Variants in FAT4 observed in about 807,000 individuals in gnomAD.
FAT4 encodes FAT atypical cadherin 4, also known as protocadherin Fat 4.
FAT4 carries 84 observed loss-of-function variants against 303.9 expected under a neutral mutation model. The ratio of observed to expected loss-of-function variants is 0.28; its 90% CI spans 0.23 to 0.33. FAT4 has a LOEUF of 0.33. Ranked by LOEUF, FAT4 falls within the 10% of genes least tolerant of loss-of-function variation. The probability of loss-of-function intolerance (pLI) is 1.00; values close to 1 mark genes in which losing one functional copy is unlikely to be tolerated. For missense variants in FAT4, 6,005 were observed against 6,146.8 expected (o/e 0.98, Z 0.77); for synonymous variants, 2,307 against 2,298.8 (o/e 1.00, Z -0.10).
intron 8 of FAT4, among the ~76,000 whole-genome samples, chr4:125,437,517 A>G (rs545102343): frequency 6.6e-6 from 1 of 152,290 alleles, no homozygotes; most frequent in East Asian, 1.9e-4. Flanking sequence ...TTGAGTTCTC[A>G]GAGTCCTGTA....
chr4:125,398,965 T>A, intron 3 of FAT4, 50 bp downstream of exon 3: 1 of 1,590,768 alleles, frequency 6.3e-7, no homozygotes, highest in Non-Finnish European at 8.6e-7. Flanking sequence ...TGCAGTGATT[T>A]ATCAAATTTC....
chr4:125,452,705 T>C lies in FAT4; in HGVS notation c.11695T>C (p.Cys3899Arg). Residue 3899 changes from cysteine (C) to arginine (R), a missense_variant, in exon 10 of 18, where the codon TGT (cysteine) becomes CGT (arginine). Transcript: ENST00000394329. ...CCCAGATGGCTTCACTGGTAGGGCG[T>C]GTGAGAGAGATATCAATGAGTGCCT... ...SCPDGFTGRACERDINECLQS... is the reference protein window; with the variant it reads ...SCPDGFTGRARERDINECLQS... 7 of 1,614,078 alleles carry C rather than the reference T, an allele frequency of 4.3e-6. No individual in the cohort carries two copies. The highest frequency in any genetic ancestry group is 5.1e-6 in the Non-Finnish European group (6 of 1,179,998).
chr4:125,320,820 C>T lies in FAT4; in HGVS notation c.4409C>T (p.Thr1470Ile), dbSNP rs773827206. 1 of 1,613,934 alleles carries T rather than the reference C, an allele frequency of 6.2e-7. No homozygotes were observed. The highest frequency in any genetic ancestry group is 1.7e-5 in the Admixed American group (1 of 59,994). Reference protein sequence around the residue: ...IQQMPRGNHFTIDEVKGTIYT... With the variant: ...IQQMPRGNHFIIDEVKGTIYT... ...CAGATGCCAAGAGGCAACCACTTTACCATAGATGAAGTCAAAGGGACTATA... is the reference window on the plus strand; with the variant it reads ...CAGATGCCAAGAGGCAACCACTTTATCATAGATGAAGTCAAAGGGACTATA... Residue 1470 changes from threonine (T) to isoleucine (I), a missense_variant, in exon 2 of 18, where the codon ACC becomes ATC. Thr to Ile is a moderately conservative substitution (Grantham distance 89). Transcript: ENST00000394329.
At chr4:125,378,783 A>G (rs947384449) in intron 2 of FAT4, among the ~76,000 whole-genome samples, 2 of 152,136 alleles carry the variant, frequency 1.3e-5, no homozygotes, top group Non-Finnish European at 2.9e-5. Context: ...AACCTAGAAT[A>G]TTTTCTCAAT....
intron 7 of FAT4, among the ~76,000 whole-genome samples, chr4:125,417,052 A>G (rs1735105027): frequency 6.6e-6 from 1 of 152,174 alleles, no homozygotes; most frequent in Non-Finnish European, 1.5e-5. Context: ...CTAATGCTTG[A>G]AATTCTGATT....
chr4:125,334,493 T>C (rs961614062), intron 2 of FAT4, among the ~76,000 whole-genome samples: 1 of 152,200 alleles, frequency 6.6e-6, no homozygotes, highest in Non-Finnish European at 1.5e-5. Flanking sequence ...CAGGTGCTAA[T>C]GGCATTTAAC....
chr4:125,316,943 C>G lies in FAT4; in HGVS notation c.532C>G (p.Arg178Gly), dbSNP rs201952959. The G allele has an allele frequency of 1.2e-6, 2 of 1,613,956 alleles. No homozygotes were observed. The highest frequency in any genetic ancestry group is 1.7e-6 in the Non-Finnish European group (2 of 1,180,030). The change falls in exon 2 of 18, where the codon CGC (arginine) becomes GGC (glycine). Residue 178 changes from arginine (R) to glycine (G), a missense_variant. Physicochemically the swap from Arg to Gly is moderately radical, Grantham distance 125. Coordinates refer to ENST00000394329, the MANE Select transcript of FAT4 (RefSeq NM_001291303.3). The surrounding 1 kb of genome is among the most constrained non-coding windows in gnomAD (Gnocchi z 5.7). ...GVDHRSYRII[R>G]GNEAGRFRLD... ...GGACCACCGCTCCTACCGCATCATC[C>G]GCGGCAATGAGGCGGGGCGCTTCCG... is the stretch of plus-strand genomic sequence containing the variant.
Position 125,320,183 on chromosome 4 carries a change from T to C in FAT4, c.3772T>C (p.Phe1258Leu). ...AATAAAAGGAAATGAAGAAAGACAG[T>C]TTGCTATAGACAGTACCTCTGGTCA... ...SIIKGNEERQ[F>L]AIDSTSGQVT... The change falls in exon 2 of 18, where the codon TTT (phenylalanine) becomes CTT (leucine). Residue 1258 changes from phenylalanine (F) to leucine (L), a missense_variant. Coordinates refer to ENST00000394329, the MANE Select transcript of FAT4 (RefSeq NM_001291303.3). 1 of 1,613,766 alleles carries C rather than the reference T, an allele frequency of 6.2e-7. No individual in the cohort carries two copies.
chr4:125,402,526 A>G (rs1734428032), intron 3 of FAT4, among the ~76,000 whole-genome samples: 1 of 152,056 alleles, frequency 6.6e-6, no homozygotes, highest in African/African-American at 2.4e-5. Context: ...TCTTAGACTC[A>G]GCTGTTCCAT....
At chr4:125,338,572 T>A (rs1489350466) in intron 2 of FAT4, among the ~76,000 whole-genome samples, 3 of 152,192 alleles carry the variant, frequency 2.0e-5, no homozygotes, top group African/African-American at 7.2e-5. Flanking sequence ...TTTATAGCTT[T>A]TATCCATGCC....
chr4:125,358,534 C>T (rs1025057397), intron 2 of FAT4, among the ~76,000 whole-genome samples: 2 of 152,058 alleles, frequency 1.3e-5, no homozygotes, highest in African/African-American at 4.8e-5. Context: ...TTAGATCCCT[C>T]ACATGCGCAC....
intron 10 of FAT4, among the ~76,000 whole-genome samples, chr4:125,462,036 A>G (rs1386443569): frequency 6.6e-6 from 1 of 151,966 alleles, no homozygotes; most frequent in Non-Finnish European, 1.5e-5. Context: ...TAACAATACA[A>G]AGGTATTCTG....
chr4:125,381,032 A>C (rs2125998787), intron 2 of FAT4, among the ~76,000 whole-genome samples: 1 of 152,288 alleles, frequency 6.6e-6, no homozygotes, highest in South Asian at 2.1e-4. Context: ...CAATTTCAAT[A>C]AAACTAACGT....
chr4:125,334,918 C>T (rs938670373), intron 2 of FAT4, among the ~76,000 whole-genome samples: 4 of 151,962 alleles, frequency 2.6e-5, no homozygotes, highest in East Asian at 1.9e-4. Flanking sequence ...TGTGTTGCAA[C>T]GCCAGCTTAA....
At chr4:125,386,337 G>A (rs1320813039) in intron 2 of FAT4, among the ~76,000 whole-genome samples, 1 of 152,132 alleles carries the variant, frequency 6.6e-6, no homozygotes, top group African/African-American at 2.4e-5. Context: ...GAGTGCAGTG[G>A]CACCATCTCG....
At chr4:125,489,875 A>AC in intron 17 of FAT4, 26 bp from the exon 18 acceptor site, 1 of 381,032 alleles carries the variant, frequency 2.6e-6, no homozygotes, top group Non-Finnish European at 3.7e-6. Flanking sequence ...TTTTGTAAAA[A>AC]GCCTTACTCC....
chr4:125,354,130 G>A (rs765021603), intron 2 of FAT4, among the ~76,000 whole-genome samples: 5 of 151,562 alleles, frequency 3.3e-5, no homozygotes, highest in African/African-American at 4.8e-5. Flanking sequence ...TAATATTTTG[G>A]AAAAATTCTG....
At chr4:125,367,457 C>G (rs1732927881) in intron 2 of FAT4, among the ~76,000 whole-genome samples, 1 of 151,980 alleles carries the variant, frequency 6.6e-6, no homozygotes, top group Admixed American at 6.6e-5. Flanking sequence ...TATTCTGGTT[C>G]CAGAATCTAC....
At chr4:125,416,731 A>T in intron 7 of FAT4, 109 bp downstream of exon 7, 2 of 1,084,430 alleles carry the variant, frequency 1.8e-6, no homozygotes, top group Non-Finnish European at 2.7e-6. Context: ...GGATTACTTG[A>T]GGTCGGGAGT....
Sources: gnomAD v4.1 joint callset for allele counts (sites outside exome capture counted in the v4.1 genomes callset) on GRCh38, gnomAD v4.1.1 for gene constraint, Gnocchi (gnomAD v3.1) non-coding constraint, MANE v1.5 for transcripts, NCBI Gene and HGNC (gene_info 2026-07-23, HGNC 2026-07-21) for gene names.